Variants in ELAPOR2 observed in about 807,000 individuals in gnomAD.
ELAPOR2 encodes endosome-lysosome associated apoptosis and autophagy regulator family member 2, also known as endosome/lysosome-associated apoptosis and autophagy regulator family member 2.
In ELAPOR2, 89 loss-of-function variants were observed where a neutral mutation model predicts 120.7. The observed-to-expected ratio is 0.74, with a 90% CI of 0.62 to 0.88. The LOEUF is 0.88. Ranked by LOEUF, ELAPOR2 falls within the 40% of genes least tolerant of loss-of-function variation. The pLI is 0.00. For synonymous variants in ELAPOR2, 444 were observed against 444.9 expected (o/e 1.00, Z 0.03); for missense variants, 1,134 against 1,251.6 (o/e 0.91, Z 1.42).
chr7:86,995,258 A>T (rs1329118419), intron 1 of ELAPOR2, among the ~76,000 whole-genome samples: 1 of 152,186 alleles, frequency 6.6e-6, no homozygotes, highest in Non-Finnish European at 1.5e-5. Flanking sequence ...AAAGATCTCA[A>T]TGATTAGCCT....
At chr7:86,964,301 A>G (rs763184888) in intron 2 of ELAPOR2, among the ~76,000 whole-genome samples, 1 of 152,174 alleles carries the variant, frequency 6.6e-6, no homozygotes, top group African/African-American at 2.4e-5. Context: ...ATAAATTTAC[A>G]TTTACATTTA....
At chr7:87,057,182 AG>A (rs1795289408) in intron 1 of ELAPOR2, among the ~76,000 whole-genome samples, 1 of 152,254 alleles carries the variant, frequency 6.6e-6, no homozygotes, top group African/African-American at 2.4e-5. Context: ...TTCAGAGGAA[AG>A]GGCTGAGCTC....
intron 1 of ELAPOR2, among the ~76,000 whole-genome samples, chr7:87,024,353 T>A (rs897672149): frequency 6.6e-6 from 1 of 152,350 alleles, no homozygotes; most frequent in South Asian, 2.1e-4. Flanking sequence ...TCTGTTTATA[T>A]GCTGGATTAC....
At chr7:87,045,614 G>T (rs1320635977) in intron 1 of ELAPOR2, among the ~76,000 whole-genome samples, 8 of 150,768 alleles carry the variant, frequency 5.3e-5, no homozygotes, top group Admixed American at 2.6e-4. Context: ...GTTGTGGGGT[G>T]GGGGGAGGAG....
chr7:87,029,086 T>G (rs963394154), intron 1 of ELAPOR2, among the ~76,000 whole-genome samples: 1 of 152,220 alleles, frequency 6.6e-6, no homozygotes, highest in African/African-American at 2.4e-5. Context: ...CTCAGCTCCC[T>G]TATTTTTCTT....
intron 8 of ELAPOR2, among the ~76,000 whole-genome samples, chr7:86,927,464 A>G (rs1402030404): frequency 6.6e-6 from 1 of 151,932 alleles, no homozygotes; most frequent in Non-Finnish European, 1.5e-5. Context: ...AGACTACAAG[A>G]GCTGTAGCTA....
intron 1 of ELAPOR2, among the ~76,000 whole-genome samples, chr7:86,998,947 C>T (rs1793218339): frequency 6.6e-6 from 1 of 151,214 alleles, no homozygotes; most frequent in Non-Finnish European, 1.5e-5. Flanking sequence ...ATAGAGTTTC[C>T]ATTGATGGAG....
intron 15 of ELAPOR2, chr7:86,911,740 C>T (rs1373626723): frequency 4.1e-6 from 2 of 488,392 alleles, no homozygotes; most frequent in Non-Finnish European, 8.0e-6. Context: ...AAAACTTTCT[C>T]AAATAACTTC....
rs534698058 is a variant in ELAPOR2 at position 87,031,819 on chromosome 7, T to C, written c.189+27506A>G. Among the ~76,000 whole-genome samples the C allele has an allele frequency of 1.1e-4, 16 of 152,300 alleles. No individual in the cohort carries two copies. In the South Asian group the frequency reaches 3.3e-3, roughly 32 times the overall value. On this transcript the variant is annotated intron_variant, in intron 1 of 21. Coordinates refer to ENST00000450689, the MANE Select transcript of ELAPOR2 (RefSeq NM_001142749.3). ...TAGGTATATTAAATAACAAATTGTG[T>C]ATAGCCATATAGTAGACTACTACTC...
intron 1 of ELAPOR2, among the ~76,000 whole-genome samples, chr7:87,041,609 A>C (rs1340329096): frequency 6.6e-6 from 1 of 152,180 alleles, no homozygotes; most frequent in Non-Finnish European, 1.5e-5. Flanking sequence ...CTCCTGAAGG[A>C]AGCACTAAAT....
At chr7:87,026,740 CATTA>C (rs1476289085) in intron 1 of ELAPOR2, among the ~76,000 whole-genome samples, 3 of 151,952 alleles carry the variant, frequency 2.0e-5, no homozygotes, top group Non-Finnish European at 4.4e-5. Flanking sequence ...TCTCTACAGT[CATTA>C]ATTATGATCT....
chr7:86,937,877 A>G (rs907601466), intron 8 of ELAPOR2, among the ~76,000 whole-genome samples: 5 of 152,100 alleles, frequency 3.3e-5, no homozygotes, highest in African/African-American at 1.2e-4. Flanking sequence ...AGTAGGTGCC[A>G]ATATCATCCA....
At chr7:86,884,033 T>C (rs929572090) in intron 21 of ELAPOR2, among the ~76,000 whole-genome samples, 1 of 152,166 alleles carries the variant, frequency 6.6e-6, no homozygotes, top group African/African-American at 2.4e-5. Flanking sequence ...GGATATGTAA[T>C]AATACAAATA....
intron 1 of ELAPOR2, among the ~76,000 whole-genome samples, chr7:86,997,618 A>G (rs2116619591): frequency 6.6e-6 from 1 of 152,338 alleles, no homozygotes; most frequent in East Asian, 1.9e-4. Context: ...CAAAGGTGAT[A>G]GGTTTTCAGA....
intron 1 of ELAPOR2, among the ~76,000 whole-genome samples, chr7:87,014,840 G>A: frequency 6.6e-6 from 1 of 152,012 alleles, no homozygotes; most frequent in East Asian, 1.9e-4. Flanking sequence ...ACTGCTATGG[G>A]AGGAAGTTTT....
At chr7:87,024,539 T>A (rs1364933307) in intron 1 of ELAPOR2, among the ~76,000 whole-genome samples, 1 of 152,136 alleles carries the variant, frequency 6.6e-6, no homozygotes. Context: ...TTTTGTTGTC[T>A]CTCTGCCAGG....
intron 19 of ELAPOR2, among the ~76,000 whole-genome samples, chr7:86,895,205 T>C (rs569082191): frequency 2.0e-4 from 31 of 152,226 alleles, no homozygotes; most frequent in Non-Finnish European, 4.1e-4. Context: ...TCCACATATA[T>C]TCACTGACAA....
intron 1 of ELAPOR2, among the ~76,000 whole-genome samples, chr7:87,011,264 A>AAAAAAAAAAAAAAAAAG (rs1554404742): frequency 7.5e-6 from 1 of 133,772 alleles, no homozygotes; most frequent in South Asian, 2.2e-4. Flanking sequence ...AAAAAAAAAA[A>AAAAAAAAAAAAAAAAAG]AAAAGAAAAG....
intron 1 of ELAPOR2, among the ~76,000 whole-genome samples, chr7:87,040,668 C>G (rs1794752870): frequency 6.6e-6 from 1 of 152,210 alleles, no homozygotes; most frequent in Non-Finnish European, 1.5e-5. Context: ...GGGGAAAAAA[C>G]AGAACAGAAC....
Sources: gnomAD v4.1 joint callset for allele counts (sites outside exome capture counted in the v4.1 genomes callset) on GRCh38, gnomAD v4.1.1 for gene constraint, MANE v1.5 for transcripts, NCBI Gene and HGNC (gene_info 2026-07-23, HGNC 2026-07-21) for gene names.